The following RIMKLB variants were observed in gnomAD, a reference collection of about 807,000 sequenced individuals.
RIMKLB encodes ribosomal modification protein rimK like family member B.
RIMKLB carries 7 observed loss-of-function variants against 32.0 expected under a neutral mutation model. The observed-to-expected ratio is 0.22, with a 90% CI of 0.12 to 0.41. RIMKLB has a LOEUF of 0.41. Ranked by LOEUF, RIMKLB falls within the 10% of genes least tolerant of loss-of-function variation. The pLI, the probability that RIMKLB is intolerant of heterozygous loss-of-function variation, is 1.00. For synonymous variants in RIMKLB, 172 were observed against 185.1 expected, an observed-to-expected ratio of 0.93 and a Z score of 0.57; for missense variants, 289 against 498.7, an observed-to-expected ratio of 0.58 and a Z score of 4.00.
upstream of RIMKLB, among the ~76,000 whole-genome samples, chr12:8,694,387 A>ATTTTTTT (rs769859426): frequency 2.3e-3 from 274 of 119,058 alleles, 24 homozygotes; most frequent in African/African-American, 8.0e-3. Flanking sequence ...ATCCTGTTGA[A>ATTTTTTT]TTTTTTTTCT....
chr12:8,738,157 C>T (rs1029787693), intron 2 of RIMKLB, among the ~76,000 whole-genome samples: 1 of 152,100 alleles, frequency 6.6e-6, no homozygotes. Context: ...GATCCCAAGC[C>T]GAGCCTCTTG....
rs767926910 is a variant in RIMKLB, at chr12:8,760,120, G to A, written c.697+6027G>A. 9.4e-5 allele frequency among the ~76,000 whole-genome samples: 14 copies of A among 149,120 alleles called. No homozygotes were observed. In the South Asian group the frequency reaches 2.6e-3, roughly 28 times the overall value. On this transcript the variant is annotated intron_variant, in intron 5 of 5. Coordinates refer to ENST00000535829, the MANE Select transcript of RIMKLB (RefSeq NM_001297776.2). ...TTCCCCTACCCCACAACAGGCCCCC[G>A]TGTGTGATGATCCCCTTCCTGTGTC...
At chr12:8,716,509 A>G (rs1231066984) in intron 2 of RIMKLB, among the ~76,000 whole-genome samples, 4 of 137,348 alleles carry the variant, frequency 2.9e-5, no homozygotes, top group Non-Finnish European at 6.1e-5. Context: ...CTTCTAAGCC[A>G]TAACTGTTCT....
rs142709718 is a variant in RIMKLB, at chr12:8,744,912, G to T, written c.176-4950G>T. 3.3e-5 allele frequency among the ~76,000 whole-genome samples: 5 copies of T among 151,906 alleles called. No individual in the cohort carries two copies. In the East Asian group the frequency reaches 9.6e-4, roughly 29 times the overall value. On this transcript the variant is annotated intron_variant, in intron 2 of 5. Transcript: ENST00000535829. ...GTACAACGTGCAGGTTTGTTACATA[G>T]GTATACGTGTGCCATGTTGGTTTGC...
In RIMKLB at chr12:8,774,572, CTTTTT is replaced by C; in HGVS notation, c.*800_*804del. On this transcript the variant is annotated 3_prime_UTR_variant, in exon 6 of 6. Transcript: ENST00000535829. The stretch of plus-strand genomic sequence containing the variant: ...TGAAAGATGTGCTCTGTTAATGTTG[CTTTTT>C]TTTTTTTTTTTAATACATGCTAGTC... 4 of 889,316 alleles carry C rather than the reference CTTTTT, an allele frequency of 4.5e-6. No homozygotes were observed. The highest frequency in any genetic ancestry group is 5.2e-6 in the Non-Finnish European group (4 of 762,694). 55.1% of individuals were successfully genotyped at this position (889,316 alleles called of 1,614,324 possible). A position where few individuals can be genotyped will look rare whatever the true frequency, so the allele number is the denominator to read the frequency against.
At position 8,736,231 on chromosome 12, in the gene RIMKLB, T is replaced by C. The variant is rs60632671; in HGVS notation, c.176-13631T>C. ...TGGTGTCTGCTTGAAAATTATTTTC[T>C]TTTTATAAGGTGCTATTTAGGGAGG... On this transcript the variant is annotated intron_variant, in intron 2 of 5. Transcript: ENST00000535829. Among the ~76,000 whole-genome samples the C allele has an allele frequency of 5.3e-5, 8 of 152,298 alleles. No individual in the cohort carries two copies. The East Asian group carries it at 1.5e-3, about 29-fold the overall frequency.
intron 2 of RIMKLB, among the ~76,000 whole-genome samples, chr12:8,728,533 G>A (rs1946241620): frequency 6.6e-6 from 1 of 152,130 alleles, no homozygotes; most frequent in African/African-American, 2.4e-5. Flanking sequence ...CTCCCCCTAG[G>A]TAGGTTAGAT....
At chr12:8,766,601 G>C (rs1046876352) in intron 5 of RIMKLB, among the ~76,000 whole-genome samples, 2 of 152,156 alleles carry the variant, frequency 1.3e-5, no homozygotes, top group African/African-American at 4.8e-5. Context: ...CAATTATTAG[G>C]CAATTTTCCT....
upstream of RIMKLB, among the ~76,000 whole-genome samples, chr12:8,694,097 T>G (rs2136592411): frequency 6.6e-6 from 1 of 151,858 alleles, no homozygotes; most frequent in South Asian, 2.1e-4. Context: ...ATACAAAAAT[T>G]AGCTGGGCGC....
At position 8,776,573 on chromosome 12, in the gene RIMKLB, G is replaced by C; in HGVS notation, c.*2789G>C. The C allele has an allele frequency of 1.2e-6, 1 of 823,092 alleles. No homozygotes were observed. The highest frequency in any genetic ancestry group is 1.5e-6 in the Non-Finnish European group (1 of 682,310). The allele number at this position is 823,092 out of a possible 1,614,324, so 51.0% of individuals were successfully genotyped here. A position where few individuals can be genotyped will look rare whatever the true frequency, so the allele number is the denominator to read the frequency against. On this transcript the variant is annotated 3_prime_UTR_variant, in exon 6 of 6. Transcript: ENST00000535829. ...TAATTCTAAATTGTATTTCAAAAAT[G>C]ATTATTTCTGATATTGTTTTTATGT...
At chr12:8,771,041 G>A (rs768506896) in intron 5 of RIMKLB, among the ~76,000 whole-genome samples, 3 of 152,304 alleles carry the variant, frequency 2.0e-5, no homozygotes, top group East Asian at 3.9e-4. Context: ...GAGCTTCCAT[G>A]CCCTCCCACG....
rs115246791 is a variant in RIMKLB at position 8,738,972 on chromosome 12, C to G, written c.176-10890C>G. Reference sequence around the variant, plus strand: ...CTCTGTGAATTAGAGATCTACCATACAGCTTTGTCACATTTGAGGTTAACA... The same window carrying G: ...CTCTGTGAATTAGAGATCTACCATAGAGCTTTGTCACATTTGAGGTTAACA... On this transcript the variant is annotated intron_variant, in intron 2 of 5. Transcript: ENST00000535829. 2.3e-3 allele frequency among the ~76,000 whole-genome samples: 356 copies of G among 152,326 alleles called. 4 individuals carry two copies. Among genetic ancestry groups the G allele is most frequent in the African/African-American group, 8.3e-3 (344 of 41,570 alleles).
At chr12:8,732,466 T>C (rs1946629317) in intron 2 of RIMKLB, among the ~76,000 whole-genome samples, 1 of 152,190 alleles carries the variant, frequency 6.6e-6, no homozygotes, top group Non-Finnish European at 1.5e-5. Context: ...TGTTTTAACA[T>C]GGCTGAGTAT....
chr12:8,715,111 C>A (rs1464194077), intron 2 of RIMKLB, among the ~76,000 whole-genome samples: 1 of 152,050 alleles, frequency 6.6e-6, no homozygotes, highest in Non-Finnish European at 1.5e-5. Context: ...GCAAGCATCA[C>A]TTTTATTTTC....
chr12:8,707,376 T>A (rs1943977986), intron 1 of RIMKLB, among the ~76,000 whole-genome samples: 1 of 152,196 alleles, frequency 6.6e-6, no homozygotes, highest in African/African-American at 2.4e-5. Context: ...TTTACGTGTA[T>A]GTTATAAAGG....
At chr12:8,782,268 T>C (rs1240035697) in intron 7 of RIMKLB, among the ~76,000 whole-genome samples, 2 of 152,174 alleles carry the variant, frequency 1.3e-5, no homozygotes, top group Non-Finnish European at 2.9e-5. Context: ...TAATTTTGTT[T>C]TATTTTGTAT....
chr12:8,749,323 G>A (rs1948429778), intron 2 of RIMKLB, among the ~76,000 whole-genome samples: 1 of 151,450 alleles, frequency 6.6e-6, no homozygotes, highest in Non-Finnish European at 1.5e-5. Context: ...TGATTCTCCT[G>A]CCTCAGCCTC....
At chr12:8,685,087 C>T (rs1040160651) in intron 1 of RIMKLB, among the ~76,000 whole-genome samples, 26 of 152,150 alleles carry the variant, frequency 1.7e-4, no homozygotes, top group African/African-American at 5.3e-4. Flanking sequence ...ATGTCATCTG[C>T]GAACAGAGTT....
In RIMKLB at chr12:8,776,895, A is replaced by G. The variant is rs1310058242; in HGVS notation, c.*3111A>G. On this transcript the variant is annotated 3_prime_UTR_variant, in exon 6 of 6. Transcript: ENST00000535829. ...ATCTCTTTTTCTCAAGAAGAAAGCAATGGAGAAGCAAATTTGTTTCATTCA... is the reference window on the plus strand; with the variant it reads ...ATCTCTTTTTCTCAAGAAGAAAGCAGTGGAGAAGCAAATTTGTTTCATTCA... 1.3e-5 allele frequency: 13 copies of G among 985,834 alleles called. No homozygotes were observed. The highest frequency in any genetic ancestry group is 2.3e-4 in the East Asian group (2 of 8,822). 61.1% of individuals were successfully genotyped at this position (985,834 alleles called of 1,614,324 possible).
Sources: allele counts gnomAD v4.1 joint callset (sites outside exome capture counted in the v4.1 genomes callset), GRCh38; gene constraint gnomAD v4.1.1; transcripts MANE v1.5; gene names NCBI Gene and HGNC (gene_info 2026-07-23, HGNC 2026-07-21).